The following CHRNA3 variants were observed in gnomAD, a reference collection of about 807,000 sequenced individuals.
The protein encoded by CHRNA3 is neuronal acetylcholine receptor subunit alpha-3.
A neutral mutation model predicts 41.9 loss-of-function variants in CHRNA3; 34 were observed. The observed-to-expected ratio is 0.81, with a 90% CI of 0.62 to 1.08. CHRNA3 has a LOEUF of 1.08. CHRNA3 is among the 50% of genes least tolerant of loss of function. CHRNA3 has a pLI of 0.00. For synonymous variants in CHRNA3, 281 were observed against 265.2 expected (o/e 1.06, Z -0.58); for missense variants, 542 against 638.3 (o/e 0.85, Z 1.63).
intron 4 of CHRNA3, among the ~76,000 whole-genome samples, chr15:78,606,366 CTG>C (rs2053288368): frequency 6.8e-6 from 1 of 146,606 alleles, no homozygotes; most frequent in Non-Finnish European, 1.5e-5. Flanking sequence ...ACACAAGTAA[CTG>C]AATTAACACA....
In CHRNA3 at chr15:78,601,651, T is replaced by C; in HGVS notation, c.991A>G (p.Arg331Gly). Reference sequence around the variant, plus strand: ...GGCATTGTGTGTGTCGTCGGGGTTCTGTAGTGCACGTTGAGCACGAAGACG... The same window carrying C: ...GGCATTGTGTGTGTCGTCGGGGTTCCGTAGTGCACGTTGAGCACGAAGACG... ...ITVFVLNVHY[R>G]TPTTHTMPSW... Residue 331 changes from arginine to glycine, a missense_variant, in exon 5 of 6, where the codon AGA (arginine) becomes GGA (glycine). Arg to Gly is a moderately radical substitution (Grantham distance 125). Transcript: ENST00000326828. 1 of 1,614,194 alleles carries C rather than the reference T, an allele frequency of 6.2e-7. No homozygotes were observed. The highest frequency in any genetic ancestry group is 8.5e-7 in the Non-Finnish European group (1 of 1,180,038).
At chr15:78,604,629 A>G (rs1292524460) in intron 4 of CHRNA3, among the ~76,000 whole-genome samples, 1 of 152,210 alleles carries the variant, frequency 6.6e-6, no homozygotes, top group Admixed American at 6.5e-5. Flanking sequence ...AAGACAGAAC[A>G]TGCAGACCCA....
At position 78,601,264 on chromosome 15, in the gene CHRNA3, C is replaced by T. The variant is rs762637954; in HGVS notation, c.1378G>A (p.Glu460Lys). 2.5e-6 allele frequency: 4 copies of T among 1,612,798 alleles called. No homozygotes were observed. In the South Asian group the frequency reaches 3.3e-5, roughly 13 times the overall value. Residue 460 changes from glutamate to lysine, a missense_variant, in exon 5 of 6, where the codon GAA (glutamate) becomes AAA (lysine). Glu to Lys is a moderately conservative substitution (Grantham distance 56). Coordinates refer to ENST00000326828, the MANE Select transcript of CHRNA3 (RefSeq NM_000743.5). ...AGCCATATCCTTACCTCTTTGGCTT[C>T]ATTTTGTGCTTTCATATTTTCAGCA... ...YIAENMKAQNEAKEIQDDWKY... is the reference protein window; with the variant it reads ...YIAENMKAQNKAKEIQDDWKY...
intron 5 of CHRNA3, among the ~76,000 whole-genome samples, chr15:78,597,416 G>A (rs768851463): frequency 3.4e-5 from 5 of 147,656 alleles, no homozygotes; most frequent in Non-Finnish European, 7.5e-5. Flanking sequence ...GGGCAACAGA[G>A]CGAGACCCTG....
chr15:78,616,719 T>C (rs1313776423), intron 4 of CHRNA3, among the ~76,000 whole-genome samples: 1 of 151,922 alleles, frequency 6.6e-6, no homozygotes, highest in Non-Finnish European at 1.5e-5. Flanking sequence ...CTCCCTGTCC[T>C]GAGATCCTAC....
chr15:78,604,603 A>T lies in CHRNA3; in HGVS notation c.378-2339T>A, dbSNP rs73465013. On this transcript the variant is annotated intron_variant, in intron 4 of 5. Transcript: ENST00000326828. ...GCTGCCTGGGGCAGTGTCAACAGTC[A>T]TATCTCTACTAGCAGAAGACAGAAC... 6.1e-3 allele frequency among the ~76,000 whole-genome samples: 928 copies of T among 152,312 alleles called. 7 individuals are homozygous for T. The highest frequency in any genetic ancestry group is 0.021 in the African/African-American group (893 of 41,574).
At position 78,601,955 on chromosome 15, in the gene CHRNA3, G is replaced by A. The variant is rs144257258; in HGVS notation, c.687C>T (p.Pro229=). The change falls in exon 5 of 6, where the codon CCC becomes CCT. Residue 229 remains proline (P), a synonymous_variant. Coordinates refer to ENST00000326828, the MANE Select transcript of CHRNA3 (RefSeq NM_000743.5). ...IKYNCCEEIY[P]DITYSLYIRR... is the part of the protein sequence containing the mutation. ...GGATGTACAGCGAGTATGTGATGTC[G>A]GGGTAGATCTCCTCGCAGCAGTTGT... 6.8e-5 allele frequency: 110 copies of A among 1,613,492 alleles called. No individual in the cohort carries two copies. In the Middle Eastern group the frequency reaches 1.8e-3, roughly 27 times the overall value.
rs1177498639 is a variant in CHRNA3 at position 78,620,704 on chromosome 15, T to G, written c.82+9A>C. 5.3e-6 allele frequency: 8 copies of G among 1,502,894 alleles called. No homozygotes were observed. The highest frequency in any genetic ancestry group is 7.1e-6 in the Non-Finnish European group (8 of 1,133,238). 93.1% of individuals were successfully genotyped at this position (1,502,894 alleles called of 1,614,324 possible). A position where few individuals can be genotyped will look rare whatever the true frequency, so the allele number is the denominator to read the frequency against. ...CGTCCCTCCGGAGCCCTAACGCCTG[T>G]GCGCGTACCTGGCAGCAGAGACAGC... On this transcript the variant is annotated intron_variant, in intron 1 of 5. Transcript: ENST00000326828.
chr15:78,616,938 GA>G (rs1442659707), intron 4 of CHRNA3, 85 bp downstream of exon 4: 4 of 832,584 alleles, frequency 4.8e-6, no homozygotes, highest in Non-Finnish European at 7.7e-6. Flanking sequence ...AAAGGCCAAG[GA>G]AGGCCAGGTT....
Position 78,601,701 on chromosome 15 carries a change from A to AGGT in CHRNA3, c.940_941insACC (p.Phe314delinsTyrLeu). Reference sequence around the variant, plus strand: ...GGTGATGACGATGGACAAGGTTACAAAAATCATGGTGAACAGGAGGTACTC... The same window carrying AGGT: ...GGTGATGACGATGGACAAGGTTACAAGGTAAATCATGGTGAACAGGAGGTACTC... On this transcript the variant is annotated protein_altering_variant, in exon 5 of 6. Coordinates refer to ENST00000326828, the MANE Select transcript of CHRNA3 (RefSeq NM_000743.5). 6.2e-7 allele frequency: 1 copy of AGGT among 1,614,172 alleles called. No homozygotes were observed. Among genetic ancestry groups the AGGT allele is most frequent in the Non-Finnish European group, 8.5e-7 (1 of 1,180,032 alleles).
intron 4 of CHRNA3, among the ~76,000 whole-genome samples, chr15:78,613,159 T>C (rs1315796814): frequency 6.6e-6 from 1 of 152,210 alleles, no homozygotes; most frequent in Non-Finnish European, 1.5e-5. Flanking sequence ...GAAGTCAGTG[T>C]GCCGATTCCT....
Position 78,620,892 on chromosome 15 carries a change from G to C in CHRNA3, c.-98C>G, listed in dbSNP as rs1027899661. 60 of 1,257,470 alleles carry C rather than the reference G, an allele frequency of 4.8e-5. No individual in the cohort carries two copies. Among genetic ancestry groups the C allele is most frequent in the Non-Finnish European group, 5.8e-5 (58 of 1,004,000 alleles). The allele number at this position is 1,257,470 out of a possible 1,614,324, so 77.9% of individuals were successfully genotyped here. On this transcript the variant is annotated 5_prime_UTR_variant, in exon 1 of 6. Coordinates refer to ENST00000326828, the MANE Select transcript of CHRNA3 (RefSeq NM_000743.5). ...CCGCGCGGCTCCAGCGCAGACCCCA[G>C]ACCTGGAGCCGTGCGGGCGGAGACG...
chr15:78,595,435 TAAC>T lies in CHRNA3; in HGVS notation c.*1166_*1168del, dbSNP rs1018797983. 2 of 984,686 alleles carry T rather than the reference TAAC, an allele frequency of 2.0e-6. No homozygotes were observed. Among genetic ancestry groups the T allele is most frequent in the African/African-American group, 3.5e-5 (2 of 57,222 alleles). The allele number at this position is 984,686 out of a possible 1,614,324, so 61.0% of individuals were successfully genotyped here. A position where few individuals can be genotyped will look rare whatever the true frequency, so the allele number is the denominator to read the frequency against. ...TCAGAAGTGTAGTACATGATACTCTTAACAATTTGTCTAAAGCAATGTTTCTCA... is the reference window on the plus strand; with the variant it reads ...TCAGAAGTGTAGTACATGATACTCTTAATTTGTCTAAAGCAATGTTTCTCA... On this transcript the variant is annotated 3_prime_UTR_variant, in exon 6 of 6. Transcript: ENST00000326828.
At chr15:78,618,498 C>T in intron 3 of CHRNA3, 119 bp downstream of exon 3, 2 of 1,161,104 alleles carry the variant, frequency 1.7e-6, no homozygotes, top group Non-Finnish European at 2.5e-6. Context: ...GTCAGTGGAC[C>T]CCAATCTGGG....
At chr15:78,613,216 C>T (rs1205173681) in intron 4 of CHRNA3, among the ~76,000 whole-genome samples, 1 of 152,194 alleles carries the variant, frequency 6.6e-6, no homozygotes, top group South Asian at 2.1e-4. Context: ...CATCCCATTA[C>T]TGGGTATATA....
intron 3 of CHRNA3, chr15:78,618,325 C>T: frequency 5.2e-6 from 2 of 381,640 alleles, no homozygotes; most frequent in South Asian, 4.0e-5. Flanking sequence ...GGCAGGGCTT[C>T]AATCTCAGGT....
chr15:78,602,009 T>A lies in CHRNA3; in HGVS notation c.633A>T (p.Lys211Asn), dbSNP rs759093187. The change falls in exon 5 of 6, where the codon AAA (lysine) becomes AAT (asparagine). Residue 211 changes from lysine (K) to asparagine (N), a missense_variant. By Grantham distance (94) the Lys-to-Asn change is moderately conservative. Transcript: ENST00000326828. The stretch of plus-strand genomic sequence containing the variant: ...TGATGTCGTGTTTGTAGCCTGGGGC[T>A]TTGATGATGGCCCACTCGCCGCTCT... Reference protein sequence around the residue: ...YWESGEWAIIKAPGYKHDIKY... With the variant: ...YWESGEWAIINAPGYKHDIKY... 1 of 1,613,480 alleles carries A rather than the reference T, an allele frequency of 6.2e-7. No homozygotes were observed. The highest frequency in any genetic ancestry group is 8.5e-7 in the Non-Finnish European group (1 of 1,179,482).
At chr15:78,606,665 G>A (rs1030638665) in intron 4 of CHRNA3, among the ~76,000 whole-genome samples, 9 of 152,144 alleles carry the variant, frequency 5.9e-5, no homozygotes, top group Admixed American at 4.6e-4. Flanking sequence ...GGAGGCCGAG[G>A]TGAGTGGATG....
rs144519112 is a variant in CHRNA3 at position 78,601,469 on chromosome 15, G to T, written c.1173C>A (p.Cys391Ter). The T allele has an allele frequency of 1.2e-6, 2 of 1,614,162 alleles. No individual in the cohort carries two copies. Among genetic ancestry groups the T allele is most frequent in the African/African-American group, 2.7e-5 (2 of 75,024 alleles). Reference sequence around the variant, plus strand: ...CGTCCTGGCAGGGGTAGCCCTCCTTGCAGCCTTTGGACTCTGCGCGGCTGA... The same window carrying T: ...CGTCCTGGCAGGGGTAGCCCTCCTTTCAGCCTTTGGACTCTGCGCGGCTGA... ...NCFSRAESKG[C>*]KEGYPCQDGM... Residue 391 changes from cysteine (C) to a stop codon, truncating the protein, a stop_gained, in exon 5 of 6, where the codon TGC becomes TGA. Coordinates refer to ENST00000326828, the MANE Select transcript of CHRNA3 (RefSeq NM_000743.5). LOFTEE classifies it high-confidence loss of function.
Sources: allele counts gnomAD v4.1 joint callset (sites outside exome capture counted in the v4.1 genomes callset), GRCh38; gene constraint gnomAD v4.1.1; transcripts MANE v1.5; gene names NCBI Gene and HGNC (gene_info 2026-07-23, HGNC 2026-07-21).